Variants in ZNF410 observed in about 807,000 individuals in gnomAD.
ZNF410 encodes another partner for ARF 1.
Under a neutral mutation model 54.8 loss-of-function variants are expected in ZNF410, and 18 were observed. The observed-to-expected ratio is 0.33, with a 90% CI of 0.23 to 0.49. ZNF410 has a LOEUF of 0.49. Ranked by LOEUF, ZNF410 falls within the 20% of genes least tolerant of loss-of-function variation. The pLI is 0.99. For missense variants in ZNF410, 405 were observed against 569.6 expected (o/e 0.71, Z 2.94); for synonymous variants, 191 against 207.3 (o/e 0.92, Z 0.68).
intron 9 of ZNF410, 122 bp downstream of exon 9, chr14:73,921,227 ATT>A: frequency 1.6e-6 from 2 of 1,277,846 alleles, no homozygotes; most frequent in Non-Finnish European, 2.2e-6. Context: ...ACCTGGTCTC[ATT>A]TGATGGGCTG....
chr14:73,898,412 A>G (rs1013915506), intron 5 of ZNF410, 150 bp downstream of exon 5: 7 of 928,868 alleles, frequency 7.5e-6, no homozygotes, highest in African/African-American at 6.7e-5. Flanking sequence ...TTTATTTTCT[A>G]TAAAATAACT....
chr14:73,923,665 G>T (rs1328455577), intron 11 of ZNF410, 143 bp downstream of exon 11: 1 of 1,124,790 alleles, frequency 8.9e-7, no homozygotes, highest in Admixed American at 2.3e-5. Context: ...CATGAGTTCA[G>T]CTTGAAAGGA....
In ZNF410 at chr14:73,931,710, T is replaced by C; in HGVS notation, c.*169T>C. 1 of 641,188 alleles carries C rather than the reference T, an allele frequency of 1.6e-6. No individual in the cohort carries two copies. Among genetic ancestry groups the C allele is most frequent in the Non-Finnish European group, 2.8e-6 (1 of 360,496 alleles). The allele number at this position is 641,188 out of a possible 1,614,324, so 39.7% of individuals were successfully genotyped here. A position where few individuals can be genotyped will look rare whatever the true frequency, so the allele number is the denominator to read the frequency against. ...GTATAGAAGATGGATGTAGGAGAGCTTCTTTTCTAACTACCATCTGATCAG... is the reference window on the plus strand; with the variant it reads ...GTATAGAAGATGGATGTAGGAGAGCCTCTTTTCTAACTACCATCTGATCAG... On this transcript the variant is annotated 3_prime_UTR_variant, in exon 12 of 12. Coordinates refer to ENST00000555044, the MANE Select transcript of ZNF410 (RefSeq NM_021188.3).
intron 1 of ZNF410, among the ~76,000 whole-genome samples, chr14:73,889,578 G>T (rs2140290454): frequency 6.6e-6 from 1 of 152,220 alleles, no homozygotes; most frequent in South Asian, 2.1e-4. Context: ...CTTCTGGTGT[G>T]GGTGGGAGTC....
At chr14:73,898,382 A>C in intron 5 of ZNF410, 120 bp downstream of exon 5, 2 of 1,085,482 alleles carry the variant, frequency 1.8e-6, no homozygotes, top group South Asian at 3.0e-5. Context: ...GAAGGCTAGA[A>C]ATCTGTAAAT....
At position 73,905,064 on chromosome 14, in the gene ZNF410, C is replaced by A; in HGVS notation, c.894C>A (p.Asn298Lys). The A allele has an allele frequency of 6.2e-7, 1 of 1,613,234 alleles. No individual in the cohort carries two copies. Among genetic ancestry groups the A allele is most frequent in the Non-Finnish European group, 8.5e-7 (1 of 1,179,974 alleles). Residue 298 changes from asparagine to lysine, a missense_variant, in exon 7 of 12, where the codon AAC (asparagine) becomes AAA (lysine). By Grantham distance (94) the Asn-to-Lys change is moderately conservative (BLOSUM62 0). Around this residue, in one of 3 missense-constraint regions of ZNF410, gnomAD observed 31 missense variants for 85.5 expected, o/e 0.36. Transcript: ENST00000555044. Reference protein sequence around the residue: ...KQFTTAGNLKNHRRIHTGEKP... With the variant: ...KQFTTAGNLKKHRRIHTGEKP... ...TTACTACAGCTGGAAACCTGAAGAACCACCGGCGCATCCACACAGGTGTGT... is the reference window on the plus strand; with the variant it reads ...TTACTACAGCTGGAAACCTGAAGAAACACCGGCGCATCCACACAGGTGTGT...
chr14:73,893,596 G>A, intron 2 of ZNF410: 1 of 501,466 alleles, frequency 2.0e-6, no homozygotes, highest in Non-Finnish European at 3.3e-6. Context: ...ATGTCGTTTT[G>A]CAGCACATGA....
intron 11 of ZNF410, among the ~76,000 whole-genome samples, chr14:73,930,513 C>G (rs187069870): frequency 6.6e-6 from 1 of 152,124 alleles, no homozygotes; most frequent in African/African-American, 2.4e-5. Flanking sequence ...TTAGGATCAC[C>G]AAGTAAATAC....
intron 7 of ZNF410, chr14:73,905,601 A>G (rs1460710914): frequency 6.6e-6 from 1 of 152,336 alleles, no homozygotes; most frequent in Non-Finnish European, 1.5e-5. Context: ...GTATGTTAAT[A>G]TCACAGGAGC....
At chr14:73,925,531 A>G (rs1385137455) in intron 11 of ZNF410, among the ~76,000 whole-genome samples, 1 of 151,674 alleles carries the variant, frequency 6.6e-6, no homozygotes, top group African/African-American at 2.4e-5. Flanking sequence ...AGGTTCAAGC[A>G]ATTTTCCTGC....
chr14:73,921,243 G>C (rs1430108712), intron 9 of ZNF410, 138 bp downstream of exon 9: 3 of 1,112,406 alleles, frequency 2.7e-6, no homozygotes, highest in Non-Finnish European at 2.5e-6. Context: ...TGGGCTGATG[G>C]TTTCCAAACA....
At chr14:73,892,284 C>G in intron 2 of ZNF410, 76 bp downstream of exon 2, 1 of 1,464,658 alleles carries the variant, frequency 6.8e-7, no homozygotes, top group South Asian at 1.3e-5. Flanking sequence ...AGGGGGTCAG[C>G]AAACTTTTTC....
At chr14:73,889,202 C>T (rs1190754706) in intron 1 of ZNF410, among the ~76,000 whole-genome samples, 1 of 151,948 alleles carries the variant, frequency 6.6e-6, no homozygotes, top group East Asian at 1.9e-4. Context: ...TTTGAGACAG[C>T]CTCCATTTGT....
intron 1 of ZNF410, among the ~76,000 whole-genome samples, chr14:73,889,863 C>A (rs994684550): frequency 2.0e-5 from 3 of 149,746 alleles, no homozygotes; most frequent in African/African-American, 7.4e-5. Context: ...GTGGAGCGAT[C>A]TCGGCTCACT....
chr14:73,909,648 A>G (rs2055547533), intron 8 of ZNF410: 4 of 464,284 alleles, frequency 8.6e-6, no homozygotes, highest in East Asian at 3.6e-5. Context: ...CTGTGTTTCT[A>G]ATAAAGCCTT....
In ZNF410 at chr14:73,932,271, C is replaced by T; in HGVS notation, c.*730C>T. 3.0e-6 allele frequency: 1 copy of T among 331,712 alleles called. No homozygotes were observed. Among genetic ancestry groups the T allele is most frequent in the South Asian group, 2.4e-5 (1 of 41,126 alleles). The allele number at this position is 331,712 out of a possible 1,614,324, so 20.5% of individuals were successfully genotyped here. ...GTTTTCCTTTAAATAAACAAAACAG[C>T]CCAGTCAGTTCTTTGGCTCTTGTTT... On this transcript the variant is annotated 3_prime_UTR_variant, in exon 12 of 12. Coordinates refer to ENST00000555044, the MANE Select transcript of ZNF410 (RefSeq NM_021188.3).
At chr14:73,901,697 G>A (rs1248993944) in intron 5 of ZNF410, among the ~76,000 whole-genome samples, 1 of 151,658 alleles carries the variant, frequency 6.6e-6, no homozygotes, top group Non-Finnish European at 1.5e-5. Flanking sequence ...TTGGGTGGCC[G>A]AGGCGGGTGG....
chr14:73,926,641 G>T (rs2055837791), intron 11 of ZNF410, among the ~76,000 whole-genome samples: 2 of 152,074 alleles, frequency 1.3e-5, no homozygotes, highest in Non-Finnish European at 2.9e-5. Context: ...TACCATGTTG[G>T]CCAGGCTGGT....
intron 1 of ZNF410, among the ~76,000 whole-genome samples, chr14:73,888,608 A>G (rs1288050595): frequency 1.3e-5 from 2 of 152,228 alleles, no homozygotes; most frequent in African/African-American, 2.4e-5. Context: ...TAAATGAGTC[A>G]ATAGTATGGT....
Sources: allele counts gnomAD v4.1 joint callset (sites outside exome capture counted in the v4.1 genomes callset), GRCh38; gene constraint gnomAD v4.1.1; regional missense constraint gnomAD v4.1.1; transcripts MANE v1.5; gene names NCBI Gene and HGNC (gene_info 2026-07-23, HGNC 2026-07-21).